The following LMF2 variants were observed in gnomAD, a reference collection of about 807,000 sequenced individuals.
LMF2 encodes transmembrane protein 112B.
In LMF2, 113 loss-of-function variants were observed where a neutral mutation model predicts 81.5. The observed-to-expected ratio is 1.39, with a 90% CI of 1.19 to 1.62. The LOEUF (loss-of-function observed/expected upper bound fraction) is 1.62, where lower values mean the gene tolerates loss of function less well. Ranked by LOEUF, LMF2 falls within the 40% of genes most tolerant of loss-of-function variation. LMF2 has a pLI of 0.00. For synonymous variants in LMF2, 645 were observed against 424.5 expected (o/e 1.52, Z -6.39); for missense variants, 1,235 against 929.1 (o/e 1.33, Z -4.28).
chr22:50,503,399 T>G lies in LMF2; in HGVS notation c.2116A>C (p.Lys706Gln), dbSNP rs751486166. 5.6e-6 allele frequency: 9 copies of G among 1,610,450 alleles called. No homozygotes were observed. The highest frequency in any genetic ancestry group is 7.6e-6 in the Non-Finnish European group (9 of 1,179,040). The change falls in exon 14 of 14, where the codon AAG (lysine) becomes CAG (glutamine). Residue 706 changes from lysine (K) to glutamine (Q), a missense_variant. Coordinates refer to ENST00000474879, the MANE Select transcript of LMF2 (RefSeq NM_033200.3). ...CAGCTGGGAGAACACAGCTACTTCT[T>G]TCGCCGGGTGGTCCTCGAACTACTG... The part of the protein sequence containing the change: ...CSSSSRTTRR[K>Q]K
At position 50,505,075 on chromosome 22, in the gene LMF2, G is replaced by A. The variant is rs753728744; in HGVS notation, c.1236C>T (p.Ala412=). The A allele has an allele frequency of 1.9e-6, 3 of 1,612,980 alleles. No individual in the cohort carries two copies. The highest frequency in any genetic ancestry group is 2.2e-5 in the East Asian group (1 of 44,884). Reference sequence around the variant, plus strand: ...TACCCACCAGGCTAATCAGGAACAAGGCCACGGTCGCAGTGCCCACAAGGG... The same window carrying A: ...TACCCACCAGGCTAATCAGGAACAAAGCCACGGTCGCAGTGCCCACAAGGG... ...QLSLVGTATV[A]LFLISLVPYS... Residue 412 remains alanine (A), a synonymous_variant, in exon 9 of 14, where the codon GCC becomes GCT. Transcript: ENST00000474879.
rs147728742 is a variant in LMF2, at chr22:50,505,722, G to A, written c.868C>T (p.His290Tyr). ...VLTTALLDDQHLAAEPGHGSR... is the reference protein window; with the variant it reads ...VLTTALLDDQYLAAEPGHGSR... ...CCGTGGCCAGGCTCAGCAGCCAGGT[G>A]CTGGTCGTCCAGCAGCGCAGTGGTA... is the stretch of plus-strand genomic sequence containing the variant. Residue 290 changes from histidine to tyrosine, a missense_variant, in exon 6 of 14, where the codon CAC (histidine) becomes TAC (tyrosine). His to Tyr is a moderately conservative substitution (Grantham distance 83, BLOSUM62 2). Transcript: ENST00000474879. The A allele has an allele frequency of 1.1e-4, 179 of 1,612,898 alleles. No individual in the cohort carries two copies. The highest frequency in any genetic ancestry group is 1.7e-4 in the African/African-American group (13 of 74,928).
Position 50,505,034 on chromosome 22 carries a change from CCCAGCCCTGCAG to C in LMF2, c.1254+11_1254+22del. 1.2e-6 allele frequency: 2 copies of C among 1,612,804 alleles called. No homozygotes were observed. Among genetic ancestry groups the C allele is most frequent in the Non-Finnish European group, 1.7e-6 (2 of 1,179,890 alleles). ...GGGCTGCCCTGCCCCCAGCCCATCC[CCCAGCCCTGCAG>C]CGCTACCCACCAGGCTAATCAGGAA... On this transcript the variant is annotated intron_variant, in intron 9 of 13. Coordinates refer to ENST00000474879, the MANE Select transcript of LMF2 (RefSeq NM_033200.3).
Position 50,506,873 on chromosome 22 carries a change from G to A in LMF2, c.257C>T (p.Ala86Val), listed in dbSNP as rs1206637535. The change falls in exon 2 of 14, where the codon GCA becomes GTA. Residue 86 changes from alanine to valine, a missense_variant. Transcript: ENST00000474879. ...QGLELLSLLG[A>V]LVALGALLLS... is the part of the protein sequence containing the mutation. ...CAGCAGGGCTCCCAGGGCCACTAGT[G>A]CACCCAGCAGGCTCAGCAGCTCCAG... The A allele has an allele frequency of 6.3e-7, 1 of 1,589,662 alleles. No homozygotes were observed. The highest frequency in any genetic ancestry group is 8.6e-7 in the Non-Finnish European group (1 of 1,168,704).
At position 50,505,505 on chromosome 22, in the gene LMF2, G is replaced by A. The variant is rs1031456849; in HGVS notation, c.949C>T (p.Leu317=). The A allele has an allele frequency of 1.2e-6, 2 of 1,612,742 alleles. No homozygotes were observed. The highest frequency in any genetic ancestry group is 1.1e-5 in the South Asian group (1 of 91,090). ...CCGTAGACGGCTAGTTCCAGCAGCAGCGACAGGGTGGCCAGCAGGGCCTTG... is the reference window on the plus strand; with the variant it reads ...CCGTAGACGGCTAGTTCCAGCAGCAACGACAGGGTGGCCAGCAGGGCCTTG... The part of the protein sequence containing the change: ...WPKALLATLS[L]LLELAVYGLL... The change falls in exon 7 of 14, where the codon CTG becomes TTG. Residue 317 remains leucine (L), a synonymous_variant. Coordinates refer to ENST00000474879, the MANE Select transcript of LMF2 (RefSeq NM_033200.3).
rs1048166720 is a variant in LMF2 at position 50,507,680 on chromosome 22, G to T, written c.-5C>A. On this transcript the variant is annotated 5_prime_UTR_variant, in exon 1 of 14. Coordinates refer to ENST00000474879, the MANE Select transcript of LMF2 (RefSeq NM_033200.3). ...CGGGAGCCGGGAGCCCGCCATGTCCGCTACGCGGCCCGCTAGAGCAGGGCC... is the reference window on the plus strand; with the variant it reads ...CGGGAGCCGGGAGCCCGCCATGTCCTCTACGCGGCCCGCTAGAGCAGGGCC... 2 of 1,548,742 alleles carry T rather than the reference G, an allele frequency of 1.3e-6. No individual in the cohort carries two copies. The highest frequency in any genetic ancestry group is 8.7e-7 in the Non-Finnish European group (1 of 1,146,334).
intron 11 of LMF2, 42 bp from the exon 12 acceptor site, chr22:50,504,493 C>CAG: frequency 4.3e-5 from 64 of 1,491,378 alleles, no homozygotes; most frequent in Non-Finnish European, 5.0e-5. Flanking sequence ...AGTACCCGCC[C>CAG]TGCCCCTCCC....
chr22:50,507,531 A>T, intron 1 of LMF2, 51 bp downstream of exon 1: 1 of 1,334,928 alleles, frequency 7.5e-7, no homozygotes, highest in Non-Finnish European at 1.1e-6. Context: ...AGAAAAGAGG[A>T]CATAGGGTCC....
Position 50,506,265 on chromosome 22 carries a change from G to C in LMF2, c.595+20C>G. 1 of 1,548,558 alleles carries C rather than the reference G, an allele frequency of 6.5e-7. No individual in the cohort carries two copies. Among genetic ancestry groups the C allele is most frequent in the Non-Finnish European group, 8.7e-7 (1 of 1,145,824 alleles). On this transcript the variant is annotated intron_variant, in intron 4 of 13. Coordinates refer to ENST00000474879, the MANE Select transcript of LMF2 (RefSeq NM_033200.3). Reference sequence around the variant, plus strand: ...TGGCCGAGCCCCCAGACTACCCCAGGTCCAGACCGGGCCCCTCACCAGTGA... The same window carrying C: ...TGGCCGAGCCCCCAGACTACCCCAGCTCCAGACCGGGCCCCTCACCAGTGA...
Position 50,506,339 on chromosome 22 carries a change from C to T in LMF2, c.541G>A (p.Ala181Thr), listed in dbSNP as rs764594737. Residue 181 changes from alanine (A) to threonine (T), a missense_variant, in exon 4 of 14, where the codon GCC becomes ACC. Transcript: ENST00000474879. ...CTGGTCAGCTTGACCACGCCTGAGG[C>T]GAACATGAGGCGGAACAGCAGCCAT... ...VRWLLFRLMF[A>T]SGVVKLTSRC... 18 of 1,549,502 alleles carry T rather than the reference C, an allele frequency of 1.2e-5. No individual in the cohort carries two copies. The highest frequency in any genetic ancestry group is 9.5e-5 in the South Asian group (8 of 84,084).
In LMF2 at chr22:50,505,409, T is replaced by C. The variant is rs1378912278; in HGVS notation, c.1045A>G (p.Arg349Gly). 1.2e-6 allele frequency: 2 copies of C among 1,613,008 alleles called. No individual in the cohort carries two copies. Among genetic ancestry groups the C allele is most frequent in the South Asian group, 1.1e-5 (1 of 91,090 alleles). ...VDWQQRTIHS[R>G]TTFTFHQFSQ... is the part of the protein sequence containing the mutation. ...CCCCCAGGTCGGCACTCACTGGTTC[T>C]GGAGTGGATGGTGCGCTGCTGCCAG... The change falls in exon 7 of 14, where the codon AGA becomes GGA. Residue 349 changes from arginine (R) to glycine (G), a missense_variant. Physicochemically the swap from Arg to Gly is moderately radical, Grantham distance 125. Coordinates refer to ENST00000474879, the MANE Select transcript of LMF2 (RefSeq NM_033200.3).
At position 50,507,642 on chromosome 22, in the gene LMF2, G is replaced by A. The variant is rs956791927; in HGVS notation, c.34C>T (p.Leu12Phe). 14 of 1,554,696 alleles carry A rather than the reference G, an allele frequency of 9.0e-6. No individual in the cohort carries two copies. The highest frequency in any genetic ancestry group is 1.4e-5 in the African/African-American group (1 of 73,256). Residue 12 changes from leucine to phenylalanine, a missense_variant, in exon 1 of 14, where the codon CTC becomes TTC. Leu to Phe is a conservative substitution (Grantham distance 22). Transcript: ENST00000474879. ...AGSRLPRQLF[L>F]QGVAAVFMFA... is the part of the protein sequence containing the mutation. ...ATGAAGACGGCCGCCACGCCCTGGA[G>A]GAAGAGCTGCCGCGGGAGCCGGGAG...
intron 6 of LMF2, 59 bp downstream of exon 6, chr22:50,505,615 T>TG: frequency 6.2e-7 from 1 of 1,610,848 alleles, no homozygotes; most frequent in Non-Finnish European, 8.5e-7. Flanking sequence ...GGGAGTCCTG[T>TG]GGGGGTGTTG....
chr22:50,505,933 C>A, intron 5 of LMF2, 102 bp downstream of exon 5: 1 of 1,568,746 alleles, frequency 6.4e-7, no homozygotes, highest in South Asian at 1.2e-5. Context: ...CAGCGGTTGC[C>A]AGCTGTCCCC....
chr22:50,506,889 G>A lies in LMF2; in HGVS notation c.241C>T (p.Leu81=). Residue 81 remains leucine (L), a synonymous_variant, in exon 2 of 14, where the codon CTG becomes TTG. Coordinates refer to ENST00000474879, the MANE Select transcript of LMF2 (RefSeq NM_033200.3). ...GLDTAQGLEL[L]SLLGALVALG... ...GCCACTAGTGCACCCAGCAGGCTCA[G>A]CAGCTCCAGGCCCTGGGCCGTGTCC... 6.3e-7 allele frequency: 1 copy of A among 1,584,986 alleles called. No individual in the cohort carries two copies. Among genetic ancestry groups the A allele is most frequent in the Non-Finnish European group, 8.6e-7 (1 of 1,166,572 alleles).
Position 50,505,377 on chromosome 22 carries a change from T to C in LMF2, c.1051+26A>G, listed in dbSNP as rs567784519. ...TGTGAGGACTGGTCCGCCCCTGCCC[T>C]CTGGCCCCCCCAGGTCGGCACTCAC... On this transcript the variant is annotated intron_variant, in intron 7 of 13. Transcript: ENST00000474879. 5.0e-6 allele frequency: 8 copies of C among 1,613,242 alleles called. No homozygotes were observed. In the East Asian group the frequency reaches 1.3e-4, roughly 27 times the overall value.
Position 50,504,554 on chromosome 22 carries a change from C to A in LMF2, c.1606+5G>T. 6.3e-7 allele frequency: 1 copy of A among 1,581,900 alleles called. No individual in the cohort carries two copies. Among genetic ancestry groups the A allele is most frequent in the Non-Finnish European group, 8.6e-7 (1 of 1,168,200 alleles). On this transcript the variant is annotated splice_donor_5th_base_variant and intron_variant, in intron 11 of 13. Coordinates refer to ENST00000474879, the MANE Select transcript of LMF2 (RefSeq NM_033200.3). ...CACTCCACACCCCCCAAGCCCGCTC[C>A]GCACCTGGCTCCTTGCCCTGCAGCA...
At chr22:50,505,185 G>A (rs1396633513) in intron 8 of LMF2, 32 bp from the exon 9 acceptor site, 2 of 1,612,556 alleles carry the variant, frequency 1.2e-6, no homozygotes, top group South Asian at 1.1e-5. Context: ...CGTCAGGCCG[G>A]CCCTGCACAC....
rs1190292614 is a variant in LMF2, at chr22:50,506,087, G to A, written c.722C>T (p.Pro241Leu). The change falls in exon 5 of 14, where the codon CCC becomes CTC. Residue 241 changes from proline to leucine, a missense_variant. By Grantham distance (98) the Pro-to-Leu change is moderately conservative. Coordinates refer to ENST00000474879, the MANE Select transcript of LMF2 (RefSeq NM_033200.3). The stretch of plus-strand genomic sequence containing the variant: ...GCGTCGAATGGGGGCGAAGAACAGG[G>A]GCGGCACAGCGATCTCAATTAGGAA... Reference protein sequence around the residue: ...ATFLIEIAVPPLFFAPIRRLR... With the variant: ...ATFLIEIAVPLLFFAPIRRLR... The A allele has an allele frequency of 4.4e-6, 7 of 1,591,438 alleles. No individual in the cohort carries two copies. The highest frequency in any genetic ancestry group is 4.5e-5 in the East Asian group (2 of 44,128).
Sources: gnomAD v4.1 joint callset for allele counts on GRCh38, gnomAD v4.1.1 for gene constraint, MANE v1.5 for transcripts, NCBI Gene and HGNC (gene_info 2026-07-23, HGNC 2026-07-21) for gene names.